GNB4: variants seen among roughly 807,000 people sequenced by gnomAD.
The protein encoded by GNB4 is guanine nucleotide-binding protein subunit beta-4.
In GNB4, 28 loss-of-function variants were observed where a neutral mutation model predicts 45.2. The ratio of observed to expected loss-of-function variants is 0.62; its 90% CI spans 0.46 to 0.85. GNB4 has a LOEUF of 0.85. Among genes scored for constraint, GNB4 ranks in the 40% least tolerant of loss-of-function variants. GNB4 has a pLI of 0.00. For synonymous variants in GNB4, 132 were observed against 143.7 expected (o/e 0.92, Z 0.58); for missense variants, 321 against 425.4 (o/e 0.75, Z 2.16).
In GNB4 at chr3:179,407,408, G is replaced by A. The variant is rs905937446; in HGVS notation, c.700-2002C>T. On this transcript the variant is annotated intron_variant, in intron 8 of 9. Coordinates refer to ENST00000232564, the MANE Select transcript of GNB4 (RefSeq NM_021629.4). ...CAGAAGGCTGAGGTTGCAGTGAGCC[G>A]AGATCATGCCACTGCACTCCAGCCT... is the stretch of plus-strand genomic sequence containing the variant. Among the ~76,000 whole-genome samples the A allele has an allele frequency of 3.3e-5, 5 of 152,278 alleles. No homozygotes were observed. The East Asian group carries it at 7.7e-4, about 24-fold the overall frequency.
At chr3:179,425,270 C>A (rs1034422472) in intron 2 of GNB4, among the ~76,000 whole-genome samples, 1 of 152,198 alleles carries the variant, frequency 6.6e-6, no homozygotes, top group Admixed American at 6.5e-5. Flanking sequence ...GTGCTCCCCA[C>A]GCAGACGCCT....
chr3:179,476,646 G>A, the GNB4 span, among the ~76,000 whole-genome samples: 4 of 152,224 alleles, frequency 2.6e-5, no homozygotes, highest in Non-Finnish European at 4.4e-5. Context: ...GGCCTCCCAG[G>A]TTGTCTGCAA....
At chr3:179,524,369 G>C in the GNB4 span, among the ~76,000 whole-genome samples, 1 of 152,274 alleles carries the variant, frequency 6.6e-6, no homozygotes, top group Non-Finnish European at 1.5e-5. Context: ...CCTTGGCCCA[G>C]TGGCCAGATT....
intron 1 of GNB4, among the ~76,000 whole-genome samples, chr3:179,429,338 C>T (rs1204080262): frequency 6.6e-6 from 1 of 152,194 alleles, no homozygotes; most frequent in African/African-American, 2.4e-5. Context: ...CACTGGGGAA[C>T]ACCGGGAATC....
the GNB4 span, among the ~76,000 whole-genome samples, chr3:179,509,168 TACACACACACAC>T: frequency 2.0e-5 from 3 of 146,900 alleles, no homozygotes; most frequent in Admixed American, 6.7e-5. Flanking sequence ...TATATATACA[TACACACACACAC>T]ACACACACAC....
chr3:179,405,540 T>C lies in GNB4; in HGVS notation c.700-134A>G, dbSNP rs985765848. 5.0e-6 allele frequency: 3 copies of C among 601,920 alleles called. No individual in the cohort carries two copies. The East Asian group carries it at 8.3e-5, about 17-fold the overall frequency. The allele number at this position is 601,920 out of a possible 1,614,324, so 37.3% of individuals were successfully genotyped here. On this transcript the variant is annotated intron_variant, in intron 8 of 9. Transcript: ENST00000232564. ...GGTGAGCGATGTTGGGCACTAAAGA[T>C]TCTTAAATATTTTGAGCCTCAGATT...
chr3:179,422,343 A>G lies in GNB4; in HGVS notation c.58-1416T>C. Reference sequence around the variant, plus strand: ...TATTATCCATTATAAAACAGAATATAAGGCCAGGCGTGATGGCTCATGCCT... The same window carrying G: ...TATTATCCATTATAAAACAGAATATGAGGCCAGGCGTGATGGCTCATGCCT... On this transcript the variant is annotated intron_variant, in intron 2 of 9. Transcript: ENST00000232564. Among the ~76,000 whole-genome samples, 2 of 152,062 alleles carry G rather than the reference A, an allele frequency of 1.3e-5. 1 individual carries two copies. Among genetic ancestry groups the G allele is most frequent in the East Asian group, 3.9e-4 (2 of 5,176 alleles).
chr3:179,512,685 C>G, the GNB4 span, among the ~76,000 whole-genome samples: 1 of 152,116 alleles, frequency 6.6e-6, no homozygotes, highest in African/African-American at 2.4e-5. Flanking sequence ...GCTTTGTGCT[C>G]AGAGCAGAGT....
At chr3:179,409,834 A>C (rs988126121) in intron 8 of GNB4, among the ~76,000 whole-genome samples, 2 of 46,378 alleles carry the variant, frequency 4.3e-5, no homozygotes, top group African/African-American at 1.8e-4. Context: ...AAAACAAAAC[A>C]AAAAAAAAAC....
the GNB4 span, among the ~76,000 whole-genome samples, chr3:179,524,173 T>G: frequency 1.3e-5 from 2 of 152,110 alleles, no homozygotes; most frequent in African/African-American, 4.8e-5. Context: ...GCTTCTGAGG[T>G]GATTGGGCAG....
the GNB4 span, among the ~76,000 whole-genome samples, chr3:179,461,257 G>A: frequency 2.2e-4 from 34 of 152,206 alleles, no homozygotes; most frequent in African/African-American, 7.9e-4. Flanking sequence ...TTTTATTTTG[G>A]GAGGTAGAGG....
chr3:179,457,456 G>T, the GNB4 span, among the ~76,000 whole-genome samples: 75,771 of 151,916 alleles, frequency 0.5, 19,441 homozygotes, highest in Admixed American at 0.59. Flanking sequence ...GTTTATAATT[G>T]GATGACTATT....
the GNB4 span, among the ~76,000 whole-genome samples, chr3:179,476,794 T>A: frequency 2.0e-5 from 3 of 152,250 alleles, no homozygotes; most frequent in Non-Finnish European, 4.4e-5. Context: ...GAACCTCACC[T>A]GGGCCTGCTT....
the GNB4 span, among the ~76,000 whole-genome samples, chr3:179,521,942 A>C: frequency 1.3e-5 from 2 of 152,112 alleles, no homozygotes; most frequent in Non-Finnish European, 2.9e-5. Flanking sequence ...TAGGTTCCCA[A>C]GCTGCCCCTA....
At chr3:179,476,864 A>C in the GNB4 span, among the ~76,000 whole-genome samples, 1 of 152,114 alleles carries the variant, frequency 6.6e-6, no homozygotes, top group Non-Finnish European at 1.5e-5. Flanking sequence ...GTTTCTAAAA[A>C]ATCTTTTAGT....
rs138267268 is a variant in GNB4 at position 179,421,672 on chromosome 3, C to T, written c.58-745G>A. Among the ~76,000 whole-genome samples, 198 of 152,190 alleles carry T rather than the reference C, an allele frequency of 1.3e-3. 1 individual carries two copies. In the East Asian group the frequency reaches 0.027, roughly 21 times the overall value. ...AAATGGACAACTTGTTCCAGTCAGC[C>T]GAGGGAAAAATGCCTGCTTCAGCTC... On this transcript the variant is annotated intron_variant, in intron 2 of 9. Coordinates refer to ENST00000232564, the MANE Select transcript of GNB4 (RefSeq NM_021629.4).
the GNB4 span, among the ~76,000 whole-genome samples, chr3:179,485,045 G>C: frequency 9.1e-3 from 1,078 of 117,996 alleles, 24 homozygotes; most frequent in African/African-American, 0.035. Context: ...GAGTCTCGCT[G>C]TGTTGCCCAG....
Position 179,399,919 on chromosome 3 carries a change from G to A in GNB4, c.*1294C>T, listed in dbSNP as rs1387757819. 2 of 152,146 alleles carry A rather than the reference G, an allele frequency of 1.3e-5. No individual in the cohort carries two copies. The highest frequency in any genetic ancestry group is 2.9e-5 in the Non-Finnish European group (2 of 68,036). 9.4% of individuals were successfully genotyped at this position (152,146 alleles called of 1,614,324 possible). ...GAAAAGTATCTTTAACTTGGTCGTG[G>A]GGGACTTCTAGTAAGAGACACATTA... On this transcript the variant is annotated 3_prime_UTR_variant, in exon 10 of 10. Transcript: ENST00000232564.
intron 2 of GNB4, among the ~76,000 whole-genome samples, chr3:179,421,688 G>C (rs1714986434): frequency 6.6e-6 from 1 of 152,222 alleles, no homozygotes; most frequent in Non-Finnish European, 1.5e-5. Context: ...AAAAATGCCT[G>C]CTTCAGCTCC....
Sources: gnomAD v4.1 joint callset for allele counts (sites outside exome capture counted in the v4.1 genomes callset) on GRCh38, gnomAD v4.1.1 for gene constraint, MANE v1.5 for transcripts, NCBI Gene and HGNC (gene_info 2026-07-23, HGNC 2026-07-21) for gene names.